RBM7: variants seen among roughly 807,000 people sequenced by gnomAD.
RBM7 encodes RNA binding motif protein 7.
A neutral mutation model predicts 31.0 loss-of-function variants in RBM7; 13 were observed. That is an observed-to-expected ratio of 0.42 (90% CI 0.27 to 0.67). The LOEUF (loss-of-function observed/expected upper bound fraction) is 0.67, where lower values mean the gene tolerates loss of function less well. RBM7 is among the 30% of genes least tolerant of loss of function. The pLI is 0.24. For synonymous variants in RBM7, 106 were observed against 111.2 expected (o/e 0.95, Z 0.30); for missense variants, 245 against 326.2 (o/e 0.75, Z 1.92).
In RBM7 at chr11:114,410,602, C is replaced by T. The variant is rs1780635897; in HGVS notation, c.*2795C>T. On this transcript the variant is annotated 3_prime_UTR_variant, in exon 5 of 5. Coordinates refer to ENST00000375490, the MANE Select transcript of RBM7 (RefSeq NM_001286045.2). Reference sequence around the variant, plus strand: ...CTCGCCTGAATAAAGCTTCAGTGGCCTCTGACTTAAGTACAAAATTCTCAA... The same window carrying T: ...CTCGCCTGAATAAAGCTTCAGTGGCTTCTGACTTAAGTACAAAATTCTCAA... 6.6e-6 allele frequency: 1 copy of T among 152,112 alleles called. No homozygotes were observed. Among genetic ancestry groups the T allele is most frequent in the Admixed American group, 6.5e-5 (1 of 15,276 alleles). 9.4% of individuals were successfully genotyped at this position (152,112 alleles called of 1,614,324 possible). A position where few individuals can be genotyped will look rare whatever the true frequency, so the allele number is the denominator to read the frequency against.
intron 1 of RBM7, among the ~76,000 whole-genome samples, chr11:114,401,346 C>A (rs1946197658): frequency 6.6e-6 from 1 of 152,080 alleles, no homozygotes; most frequent in African/African-American, 2.4e-5. Flanking sequence ...TTAATCAATA[C>A]AAAAGTCCGT....
rs563711536 is a variant in RBM7 at position 114,409,736 on chromosome 11, A to T, written c.*1929A>T. 2 of 152,150 alleles carry T rather than the reference A, an allele frequency of 1.3e-5. No individual in the cohort carries two copies. Among genetic ancestry groups the T allele is most frequent in the Non-Finnish European group, 2.9e-5 (2 of 68,010 alleles). The allele number at this position is 152,150 out of a possible 1,614,324, so 9.4% of individuals were successfully genotyped here. On this transcript the variant is annotated 3_prime_UTR_variant, in exon 5 of 5. Coordinates refer to ENST00000375490, the MANE Select transcript of RBM7 (RefSeq NM_001286045.2). ...TTATATTGGTTAACAGATGACCCTG[A>T]CTCAGAATAATCTTTTTCAATGGCT... is the stretch of plus-strand genomic sequence containing the variant.
At position 114,407,632 on chromosome 11, in the gene RBM7, C is replaced by T. The variant is rs767285454; in HGVS notation, c.629C>T (p.Ala210Val). The change falls in exon 5 of 5, where the codon GCA becomes GTA. Residue 210 changes from alanine (A) to valine (V), a missense_variant. Physicochemically the swap from Ala to Val is moderately conservative, Grantham distance 64. Transcript: ENST00000375490. ...AGAATGAATTCTTATCCCTACCTAG[C>T]AGATAGACATTATAGCCGGGAACAG... is the stretch of plus-strand genomic sequence containing the variant. ...KVRMNSYPYLADRHYSREQRY... is the reference protein window; with the variant it reads ...KVRMNSYPYLVDRHYSREQRY... 6.2e-7 allele frequency: 1 copy of T among 1,614,002 alleles called. No homozygotes were observed. Among genetic ancestry groups the T allele is most frequent in the Non-Finnish European group, 8.5e-7 (1 of 1,179,922 alleles).
intron 3 of RBM7, 104 bp downstream of exon 3, chr11:114,403,019 T>G: frequency 1.0e-4 from 99 of 992,632 alleles, no homozygotes; most frequent in Non-Finnish European, 1.2e-4. Flanking sequence ...CTCTTATCTC[T>G]TCATTCTGCC....
chr11:114,407,413 G>T (rs748152623), intron 4 of RBM7, 32 bp from the exon 5 acceptor site: 1 of 1,577,666 alleles, frequency 6.3e-7, no homozygotes, highest in South Asian at 1.2e-5. Context: ...ATATCTAGAA[G>T]TATTAACATT....
intron 2 of RBM7, 130 bp from the exon 3 acceptor site, chr11:114,402,698 C>A: frequency 1.3e-6 from 1 of 773,246 alleles, no homozygotes; most frequent in Non-Finnish European, 2.1e-6. Context: ...AGCCACCGCG[C>A]CCGGCCAGTA....
At chr11:114,403,187 TGTACA>T (rs1430453324) in intron 3 of RBM7, among the ~76,000 whole-genome samples, 1 of 152,224 alleles carries the variant, frequency 6.6e-6, no homozygotes, top group Non-Finnish European at 1.5e-5. Flanking sequence ...CCCACATATG[TGTACA>T]GTACATGTAT....
chr11:114,401,624 A>G (rs1204223977), intron 1 of RBM7, 74 bp from the exon 2 acceptor site: 2 of 1,200,250 alleles, frequency 1.7e-6, no homozygotes, highest in Non-Finnish European at 2.2e-6. Flanking sequence ...AAACTTTGTC[A>G]TATCTTATTT....
In RBM7 at chr11:114,400,773, C is replaced by T. The variant is rs768346136; in HGVS notation, c.96+6C>T. ...TTTTCGAGCTTTTCCACCAGGTAAGCGGCTGGGTTCGGCCCTTTGCCTTTC... is the reference window on the plus strand; with the variant it reads ...TTTTCGAGCTTTTCCACCAGGTAAGTGGCTGGGTTCGGCCCTTTGCCTTTC... On this transcript the variant is annotated splice_donor_region_variant and intron_variant, in intron 1 of 4. Coordinates refer to ENST00000375490, the MANE Select transcript of RBM7 (RefSeq NM_001286045.2). 6.2e-7 allele frequency: 1 copy of T among 1,614,142 alleles called. No homozygotes were observed. The highest frequency in any genetic ancestry group is 1.7e-5 in the Admixed American group (1 of 60,020).
intron 2 of RBM7, among the ~76,000 whole-genome samples, chr11:114,402,390 T>C (rs1053975914): frequency 3.3e-3 from 94 of 28,162 alleles, no homozygotes; most frequent in African/African-American, 0.023. Context: ...TTCTTTTTTT[T>C]TTTTTTTTTT....
At chr11:114,402,085 T>G (rs932493251) in intron 2 of RBM7, 9 of 453,420 alleles carry the variant, frequency 2.0e-5, no homozygotes, top group African/African-American at 1.9e-4. Flanking sequence ...TTTGGGTTAG[T>G]GAAAAAACAT....
At chr11:114,402,456 T>A (rs946652862) in intron 2 of RBM7, among the ~76,000 whole-genome samples, 5 of 123,400 alleles carry the variant, frequency 4.1e-5, no homozygotes, top group African/African-American at 1.6e-4. Flanking sequence ...TAGGCTGGAG[T>A]GCAGTGGTGC....
intron 4 of RBM7, chr11:114,406,149 A>G (rs949774990): frequency 3.0e-5 from 5 of 165,306 alleles, no homozygotes; most frequent in African/African-American, 1.2e-4. Flanking sequence ...ACTTATCATA[A>G]ACTTGGGTCT....
rs1157880030 is a variant in RBM7 at position 114,409,842 on chromosome 11, A to G, written c.*2035A>G. 1 of 152,212 alleles carries G rather than the reference A, an allele frequency of 6.6e-6. No individual in the cohort carries two copies. Among genetic ancestry groups the G allele is most frequent in the Non-Finnish European group, 1.5e-5 (1 of 68,034 alleles). 9.4% of individuals were successfully genotyped at this position (152,212 alleles called of 1,614,324 possible). A position where few individuals can be genotyped will look rare whatever the true frequency, so the allele number is the denominator to read the frequency against. ...TGAGCTGAAAGTAACCAAACTAAAT[A>G]CATGTATTGTGTAAAGGGACAGGAC... On this transcript the variant is annotated 3_prime_UTR_variant, in exon 5 of 5. Transcript: ENST00000375490.
chr11:114,404,906 G>A (rs1452297560), intron 3 of RBM7, among the ~76,000 whole-genome samples: 6 of 152,294 alleles, frequency 3.9e-5, no homozygotes, highest in Non-Finnish European at 7.4e-5. Context: ...CATTTTTAAA[G>A]TGAGCTTTTC....
chr11:114,407,251 A>G (rs985762580), intron 4 of RBM7, 194 bp from the exon 5 acceptor site: 13 of 497,590 alleles, frequency 2.6e-5, no homozygotes, highest in Middle Eastern at 5.2e-4. Flanking sequence ...TCTTGAGGAC[A>G]AAGAGTAGTA....
rs371576672 is a variant in RBM7 at position 114,407,671 on chromosome 11, A to G, written c.668A>G (p.His223Arg). ...AGCCGGGAACAGCGTTACACTGATCATGGGTCTGACCATCATTACAGAGGA... is the reference window on the plus strand; with the variant it reads ...AGCCGGGAACAGCGTTACACTGATCGTGGGTCTGACCATCATTACAGAGGA... ...HYSREQRYTD[H>R]GSDHHYRGKR... Residue 223 changes from histidine (H) to arginine (R), a missense_variant, in exon 5 of 5, where the codon CAT becomes CGT. By Grantham distance (29) the His-to-Arg change is conservative. Transcript: ENST00000375490. The G allele has an allele frequency of 1.5e-5, 24 of 1,614,088 alleles. No individual in the cohort carries two copies. The highest frequency in any genetic ancestry group is 2.0e-5 in the Non-Finnish European group (24 of 1,180,030).
chr11:114,405,414 T>C (rs947664563), intron 3 of RBM7, among the ~76,000 whole-genome samples: 5 of 152,184 alleles, frequency 3.3e-5, no homozygotes, highest in African/African-American at 9.7e-5. Flanking sequence ...CTAGGTAACC[T>C]TGGTGTTCAG....
In RBM7 at chr11:114,407,929, A is replaced by C; in HGVS notation, c.*122A>C. The C allele has an allele frequency of 8.3e-7, 1 of 1,199,522 alleles. No homozygotes were observed. 74.3% of individuals were successfully genotyped at this position (1,199,522 alleles called of 1,614,324 possible). A position where few individuals can be genotyped will look rare whatever the true frequency, so the allele number is the denominator to read the frequency against. On this transcript the variant is annotated 3_prime_UTR_variant, in exon 5 of 5. Transcript: ENST00000375490. ...TTACAAGTTGTCACATTTCTTTATA[A>C]ATTTTTTTAAAGCTACAGTTTAATA...
Sources: allele counts gnomAD v4.1 joint callset (sites outside exome capture counted in the v4.1 genomes callset), GRCh38; gene constraint gnomAD v4.1.1; transcripts MANE v1.5; gene names NCBI Gene and HGNC (gene_info 2026-07-23, HGNC 2026-07-21).